Variants in SPATA6L observed in about 807,000 individuals in gnomAD.
SPATA6L encodes spermatogenesis associated 6 like.
SPATA6L carries 68 observed loss-of-function variants against 49.2 expected under a neutral mutation model. That is an observed-to-expected ratio of 1.38 (90% CI 1.14 to 1.69). The LOEUF (loss-of-function observed/expected upper bound fraction) is 1.69, where lower values mean the gene tolerates loss of function less well. SPATA6L is among the 40% of genes most tolerant of loss of function. The probability of loss-of-function intolerance (pLI) is 0.00; values close to 1 mark genes in which losing one functional copy is unlikely to be tolerated. For synonymous variants in SPATA6L, 198 were observed against 165.7 expected (o/e 1.19, Z -1.50); for missense variants, 668 against 464.3 (o/e 1.44, Z -4.03).
intron 3 of SPATA6L, among the ~76,000 whole-genome samples, chr9:4,643,402 C>T (rs944872629): frequency 2.0e-5 from 3 of 152,210 alleles, no homozygotes; most frequent in Admixed American, 6.5e-5. Context: ...GTATTGGAAC[C>T]TTATTGGGGA....
chr9:4,645,450 G>A (rs2130672298), intron 3 of SPATA6L, among the ~76,000 whole-genome samples: 1 of 152,232 alleles, frequency 6.6e-6, no homozygotes, highest in East Asian at 1.9e-4. Flanking sequence ...CTTCTTGCTG[G>A]TGGGGACTCT....
At chr9:4,636,011 C>A (rs1832738268) in intron 3 of SPATA6L, among the ~76,000 whole-genome samples, 1 of 152,196 alleles carries the variant, frequency 6.6e-6, no homozygotes, top group Admixed American at 6.5e-5. Context: ...TGCAAACATT[C>A]TTGCAGGCTA....
In SPATA6L at chr9:4,606,581, G is replaced by A. The variant is rs301459; in HGVS notation, c.996-1141C>T. Among the ~76,000 whole-genome samples the A allele has an allele frequency of 3.6e-4, 13 of 36,208 alleles. 1 individual carries two copies. Among genetic ancestry groups the A allele is most frequent in the South Asian group, 8.1e-4 (1 of 1,230 alleles). The allele number at this position is 36,208 out of a possible 152,430, so 23.8% of individuals were successfully genotyped here. On this transcript the variant is annotated intron_variant, in intron 9 of 11. Transcript: ENST00000682582. ...CGGGTACTCCAACAGACCTGCAGCT[G>A]AGGGTCCTGTTAGAAGGAAAACTAA...
intron 13 of SPATA6L, among the ~76,000 whole-genome samples, chr9:4,592,711 A>C (rs1303943360): frequency 2.0e-5 from 3 of 152,240 alleles, no homozygotes; most frequent in Admixed American, 2.0e-4. Context: ...AGCTATAGTT[A>C]ATACTGCATT....
In SPATA6L at chr9:4,641,379, G is replaced by A. The variant is rs546127060; in HGVS notation, c.227-5980C>T. Among the ~76,000 whole-genome samples, 7 of 151,808 alleles carry A rather than the reference G, an allele frequency of 4.6e-5. No homozygotes were observed. The East Asian group carries it at 1.2e-3, about 25-fold the overall frequency. On this transcript the variant is annotated intron_variant, in intron 3 of 11. Transcript: ENST00000682582. Reference sequence around the variant, plus strand: ...TGTAGTTGCGGTGAGTTGGTCGAAGGTAAAAAGAGCATAATAATAAAACAT... The same window carrying A: ...TGTAGTTGCGGTGAGTTGGTCGAAGATAAAAAGAGCATAATAATAAAACAT...
At chr9:4,619,094 G>A (rs1828672497) in intron 7 of SPATA6L, among the ~76,000 whole-genome samples, 196 bp from the exon 8 acceptor site, 1 of 151,738 alleles carries the variant, frequency 6.6e-6, no homozygotes, top group Non-Finnish European at 1.5e-5. Flanking sequence ...GGGTTGTGGG[G>A]GTTTTTTGCT....
At chr9:4,625,126 C>G in intron 6 of SPATA6L, 1 of 895,456 alleles carries the variant, frequency 1.1e-6, no homozygotes, top group Non-Finnish European at 1.5e-6. Flanking sequence ...CTGAGCAAGT[C>G]CCCTGTATAA....
chr9:4,630,804 A>G (rs1051422450), intron 4 of SPATA6L, among the ~76,000 whole-genome samples: 2 of 152,258 alleles, frequency 1.3e-5, no homozygotes, highest in Non-Finnish European at 2.9e-5. Flanking sequence ...TGTGCTAAAC[A>G]CTATATATTA....
chr9:4,659,152 C>T (rs1248987508), intron 2 of SPATA6L, among the ~76,000 whole-genome samples: 1 of 152,108 alleles, frequency 6.6e-6, no homozygotes, highest in Non-Finnish European at 1.5e-5. Context: ...CTCACTTATC[C>T]AGCCAGTTTG....
intron 3 of SPATA6L, among the ~76,000 whole-genome samples, chr9:4,638,816 G>A (rs118174362): frequency 0.054 from 8,005 of 148,082 alleles, 322 homozygotes; most frequent in Middle Eastern, 0.092. Context: ...ATGGAGTCTC[G>A]CCCTGTCACC....
At chr9:4,628,973 C>T (rs1303671892) in intron 5 of SPATA6L, 118 bp downstream of exon 5, 2 of 683,358 alleles carry the variant, frequency 2.9e-6, no homozygotes, top group East Asian at 2.8e-5. Context: ...AAAAACTTTC[C>T]AGGTTTCTAC....
At chr9:4,660,442 C>T (rs1186753472) in intron 2 of SPATA6L, among the ~76,000 whole-genome samples, 2 of 152,254 alleles carry the variant, frequency 1.3e-5, no homozygotes, top group Admixed American at 6.5e-5. Context: ...TACTCATCAT[C>T]ACTGGTCATC....
intron 9 of SPATA6L, among the ~76,000 whole-genome samples, chr9:4,612,911 T>G (rs1021715398): frequency 6.6e-6 from 1 of 152,128 alleles, no homozygotes; most frequent in East Asian, 1.9e-4. Context: ...CAGATACAGT[T>G]TTCTAAAAAC....
At chr9:4,655,915 G>A (rs7869353) in intron 3 of SPATA6L, 126 bp downstream of exon 3, 55,010 of 761,296 alleles carry the variant, frequency 0.072, 2,191 homozygotes, top group Middle Eastern at 0.13. Context: ...ATTTTACGTA[G>A]GCTGTCTTGA....
intron 3 of SPATA6L, among the ~76,000 whole-genome samples, chr9:4,648,569 G>A (rs574611749): frequency 0.013 from 1,900 of 151,706 alleles, 44 homozygotes; most frequent in African/African-American, 0.045. Context: ...GCGTGGTGGC[G>A]GGAGCCTGTG....
chr9:4,638,871 G>T (rs758246322), intron 3 of SPATA6L, among the ~76,000 whole-genome samples: 1 of 150,288 alleles, frequency 6.7e-6, no homozygotes, highest in Non-Finnish European at 1.5e-5. Context: ...TGCAACCTCC[G>T]CCTCCCGGGT....
intron 3 of SPATA6L, among the ~76,000 whole-genome samples, chr9:4,648,224 GC>G (rs1267897455): frequency 6.6e-6 from 1 of 152,102 alleles, no homozygotes; most frequent in Non-Finnish European, 1.5e-5. Flanking sequence ...AAACTTTAAT[GC>G]CAAGAAACTT....
chr9:4,591,096 A>C (rs1344786046), intron 13 of SPATA6L, among the ~76,000 whole-genome samples: 1 of 152,114 alleles, frequency 6.6e-6, no homozygotes, highest in Non-Finnish European at 1.5e-5. Context: ...CGCCCCATGG[A>C]AAGTACCTTT....
At chr9:4,627,797 AG>A (rs1359481423) in intron 5 of SPATA6L, 1 of 1,289,418 alleles carries the variant, frequency 7.8e-7, no homozygotes, top group South Asian at 1.2e-5. Context: ...CCTCAGCAAA[AG>A]AAAGGTGGCC....
Sources: gnomAD v4.1 joint callset for allele counts (sites outside exome capture counted in the v4.1 genomes callset) on GRCh38, gnomAD v4.1.1 for gene constraint, MANE v1.5 for transcripts, NCBI Gene and HGNC (gene_info 2026-07-23, HGNC 2026-07-21) for gene names.